LRRC4C: variants seen among roughly 807,000 people sequenced by gnomAD.
LRRC4C encodes leucine-rich repeat-containing protein 4C.
LRRC4C carries 5 observed loss-of-function variants against 33.6 expected under a neutral mutation model. The observed-to-expected ratio is 0.15, with a 90% CI of 0.08 to 0.31. The LOEUF is 0.31. Ranked by LOEUF, LRRC4C falls within the 10% of genes least tolerant of loss-of-function variation. The probability of loss-of-function intolerance (pLI) is 1.00; values close to 1 mark genes in which losing one functional copy is unlikely to be tolerated. For synonymous variants in LRRC4C, 329 were observed against 302.0 expected (o/e 1.09, Z -0.93); for missense variants, 560 against 796.7 (o/e 0.70, Z 3.58).
intron 3 of LRRC4C, among the ~76,000 whole-genome samples, chr11:40,548,895 A>G (rs1957029997): frequency 1.3e-5 from 2 of 152,124 alleles, no homozygotes; most frequent in Admixed American, 6.6e-5. Context: ...TCAGAGTTCA[A>G]TTCTCTTCAC....
chr11:40,331,823 C>G, intron 3 of LRRC4C, among the ~76,000 whole-genome samples: 1 of 152,154 alleles, frequency 6.6e-6, no homozygotes, highest in South Asian at 2.1e-4. Flanking sequence ...GTTATGCCAC[C>G]CGCTTTCCAG....
intron 2 of LRRC4C, among the ~76,000 whole-genome samples, chr11:40,706,207 A>C (rs1488166487): frequency 1.3e-5 from 2 of 152,072 alleles, no homozygotes; most frequent in Non-Finnish European, 2.9e-5. Flanking sequence ...AAAGCTCTTC[A>C]GTTTAATTAG....
chr11:40,788,094 A>G (rs1352181413), intron 2 of LRRC4C, among the ~76,000 whole-genome samples: 2 of 152,214 alleles, frequency 1.3e-5, no homozygotes, highest in African/African-American at 2.4e-5. Context: ...ATTACATAAC[A>G]TGCAGAAGTT....
At position 41,401,493 on chromosome 11, in the gene LRRC4C, T is replaced by G. The variant is rs1307058122; in HGVS notation, c.-496+57938A>C. Among the ~76,000 whole-genome samples the G allele has an allele frequency of 2.0e-5, 3 of 151,872 alleles. No individual in the cohort carries two copies. In the East Asian group the frequency reaches 5.8e-4, roughly 30 times the overall value. The stretch of plus-strand genomic sequence containing the variant: ...AACTAAAGCAAGGTCCTGGCTCTCA[T>G]AGTGTCTCCAGTCTAGTTGGGAAAA... On this transcript the variant is annotated intron_variant, in intron 1 of 6. Transcript: ENST00000528697.
intron 3 of LRRC4C, among the ~76,000 whole-genome samples, chr11:40,599,700 A>G (rs2135797241): frequency 6.6e-6 from 1 of 152,320 alleles, no homozygotes; most frequent in South Asian, 2.1e-4. Flanking sequence ...TGTAGTAAGT[A>G]TCCAATAAAT....
chr11:41,344,397 T>C (rs867930662), intron 1 of LRRC4C, among the ~76,000 whole-genome samples: 7 of 152,048 alleles, frequency 4.6e-5, no homozygotes, highest in African/African-American at 1.7e-4. Flanking sequence ...ATTTTTTGTA[T>C]TTTTAGTAGA....
chr11:40,868,839 C>T (rs1954494956), intron 2 of LRRC4C, among the ~76,000 whole-genome samples: 1 of 152,144 alleles, frequency 6.6e-6, no homozygotes, highest in South Asian at 2.1e-4. Flanking sequence ...TTTTTCTGGG[C>T]TATCATGTCC....
chr11:41,127,493 T>A (rs1020265812), intron 1 of LRRC4C, among the ~76,000 whole-genome samples: 1 of 152,128 alleles, frequency 6.6e-6, no homozygotes, highest in Non-Finnish European at 1.5e-5. Flanking sequence ...TTGCTTTTGG[T>A]ACTCTGAAAT....
chr11:40,197,256 A>G (rs2135688182), intron 5 of LRRC4C, among the ~76,000 whole-genome samples: 1 of 152,260 alleles, frequency 6.6e-6, no homozygotes, highest in Admixed American at 6.5e-5. Context: ...TGCTAACCTC[A>G]AGATTAGCCT....
intron 1 of LRRC4C, among the ~76,000 whole-genome samples, chr11:40,986,447 A>T (rs933772493): frequency 6.6e-6 from 1 of 152,134 alleles, no homozygotes; most frequent in South Asian, 2.1e-4. Context: ...AAAATAAAAA[A>T]TATTAGCTGG....
At chr11:40,956,951 A>G (rs758258045) in intron 1 of LRRC4C, among the ~76,000 whole-genome samples, 59 of 151,900 alleles carry the variant, frequency 3.9e-4, no homozygotes, top group African/African-American at 7.2e-4. Context: ...TTTGGTTCCC[A>G]GTGCATAAAG....
chr11:40,154,746 C>T (rs144589213), intron 5 of LRRC4C, among the ~76,000 whole-genome samples: 1 of 152,088 alleles, frequency 6.6e-6, no homozygotes. Context: ...GACAGCAACA[C>T]AATAATAGTA....
intron 5 of LRRC4C, among the ~76,000 whole-genome samples, chr11:40,172,019 A>C (rs561277627): frequency 6.6e-5 from 10 of 152,318 alleles, no homozygotes; most frequent in African/African-American, 2.2e-4. Context: ...TCCGTCTCCA[A>C]ACAAAAAAAA....
At chr11:40,253,582 G>A (rs900469573) in intron 4 of LRRC4C, among the ~76,000 whole-genome samples, 1 of 152,166 alleles carries the variant, frequency 6.6e-6, no homozygotes, top group African/African-American at 2.4e-5. Flanking sequence ...TTCCTGTGCT[G>A]CACTTCTCTT....
intron 1 of LRRC4C, among the ~76,000 whole-genome samples, chr11:40,959,030 G>A (rs1454817586): frequency 2.0e-5 from 3 of 151,670 alleles, no homozygotes; most frequent in Non-Finnish European, 3.0e-5. Context: ...AGCAGCCCAG[G>A]AGCAGTGGTT....
chr11:41,290,758 A>G (rs938099296), intron 1 of LRRC4C, among the ~76,000 whole-genome samples: 3 of 152,154 alleles, frequency 2.0e-5, no homozygotes, highest in South Asian at 2.1e-4. Context: ...GGTATATTCA[A>G]TCTTAAATGA....
chr11:41,431,413 G>A (rs1024430376), intron 1 of LRRC4C, among the ~76,000 whole-genome samples: 1 of 151,800 alleles, frequency 6.6e-6, no homozygotes, highest in Non-Finnish European at 1.5e-5. Context: ...AGGAAGGAAG[G>A]AGCCATATTC....
At chr11:41,280,912 A>G (rs1293134298) in intron 1 of LRRC4C, among the ~76,000 whole-genome samples, 2 of 152,226 alleles carry the variant, frequency 1.3e-5, no homozygotes, top group African/African-American at 2.4e-5. Context: ...CTTAAGAATT[A>G]TTAATTAGGG....
chr11:40,542,383 G>T (rs562741064), intron 3 of LRRC4C, among the ~76,000 whole-genome samples: 78 of 152,204 alleles, frequency 5.1e-4, no homozygotes, highest in Non-Finnish European at 1.0e-3. Context: ...AAAAACTCCT[G>T]TTAGCTGAAG....
Sources: allele counts gnomAD v4.1 joint callset (sites outside exome capture counted in the v4.1 genomes callset), GRCh38; gene constraint gnomAD v4.1.1; transcripts MANE v1.5; gene names NCBI Gene and HGNC (gene_info 2026-07-23, HGNC 2026-07-21).